Variants in AIG1 observed in about 807,000 individuals in gnomAD.
The protein encoded by AIG1 is androgen induced 1.
A neutral mutation model predicts 31.4 loss-of-function variants in AIG1; 23 were observed. That is an observed-to-expected ratio of 0.73 (90% CI 0.53 to 1.04). The LOEUF is 1.04. AIG1 is among the 50% of genes least tolerant of loss of function. The pLI, the probability that AIG1 is intolerant of heterozygous loss-of-function variation, is 0.00. For synonymous variants in AIG1, 100 were observed against 110.5 expected, an observed-to-expected ratio of 0.90 and a Z score of 0.60; for missense variants, 274 against 295.0, an observed-to-expected ratio of 0.93 and a Z score of 0.52.
At chr6:143,166,314 TC>T (rs1583389481) in intron 3 of AIG1, among the ~76,000 whole-genome samples, 5 of 152,272 alleles carry the variant, frequency 3.3e-5, no homozygotes, top group Admixed American at 2.0e-4. Context: ...AATTTAGCCA[TC>T]CACGGGGCCT....
intron 3 of AIG1, among the ~76,000 whole-genome samples, chr6:143,182,324 G>A (rs987944955): frequency 6.6e-6 from 1 of 152,128 alleles, no homozygotes; most frequent in African/African-American, 2.4e-5. Context: ...ATAAGCCACT[G>A]CACCTGGCCT....
intron 1 of AIG1, among the ~76,000 whole-genome samples, chr6:143,091,196 A>G (rs1779278083): frequency 6.6e-6 from 1 of 152,232 alleles, no homozygotes; most frequent in African/African-American, 2.4e-5. Context: ...CCACATCTGC[A>G]GTTAACTTTC....
In AIG1 at chr6:143,328,359, G is replaced by A. The variant is rs1330143157; in HGVS notation, c.516-4923G>A. 6.6e-6 allele frequency among the ~76,000 whole-genome samples: 1 copy of A among 152,062 alleles called. No homozygotes were observed. The highest frequency in any genetic ancestry group is 1.9e-4 in the East Asian group (1 of 5,204). ...AACTTTTGATTGTGCTTTAATGAAA[G>A]GCATCTGAACATATTCATCAGCTAT... is the stretch of plus-strand genomic sequence containing the variant. On this transcript the variant is annotated intron_variant, in intron 4 of 5. Coordinates refer to ENST00000357847, the MANE Select transcript of AIG1 (RefSeq NM_016108.4). This position sits in a 1 kb window ranked among gnomAD's most constrained non-coding sequence, Gnocchi z 4.0.
At chr6:143,309,121 T>G (rs1775054591) in intron 4 of AIG1, among the ~76,000 whole-genome samples, 1 of 151,764 alleles carries the variant, frequency 6.6e-6, no homozygotes, top group Non-Finnish European at 1.5e-5. Flanking sequence ...GGGAATGGAG[T>G]AAAATATTAA....
chr6:143,249,891 G>T (rs990422534), intron 3 of AIG1, among the ~76,000 whole-genome samples: 8 of 152,194 alleles, frequency 5.3e-5, no homozygotes, highest in African/African-American at 1.9e-4. Flanking sequence ...TCACCCTAGG[G>T]GCCACTACCT....
chr6:143,149,387 C>T (rs1383752501), intron 2 of AIG1, among the ~76,000 whole-genome samples: 1 of 151,472 alleles, frequency 6.6e-6, no homozygotes, highest in Non-Finnish European at 1.5e-5. Context: ...ATTAGCCAGG[C>T]GTGGTGGCGG....
At chr6:143,143,450 G>A (rs1436320006) in intron 2 of AIG1, among the ~76,000 whole-genome samples, 1 of 125,366 alleles carries the variant, frequency 8.0e-6, no homozygotes, top group Non-Finnish European at 1.6e-5. Context: ...GCAGTGAGCC[G>A]AGATCATGCC....
intron 1 of AIG1, among the ~76,000 whole-genome samples, chr6:143,120,671 A>G (rs1365533628): frequency 6.6e-6 from 1 of 152,236 alleles, no homozygotes; most frequent in Non-Finnish European, 1.5e-5. Context: ...AAAATTCAAG[A>G]TGAGGTTTGG....
At chr6:143,229,282 T>C (rs1054836364) in intron 3 of AIG1, among the ~76,000 whole-genome samples, 4 of 152,266 alleles carry the variant, frequency 2.6e-5, no homozygotes, top group African/African-American at 9.6e-5. Flanking sequence ...GACACTACCT[T>C]AGTGTGTAAT....
At position 143,284,242 on chromosome 6, in the gene AIG1, C is replaced by A; in HGVS notation, c.515+17C>A. The A allele has an allele frequency of 1.3e-6, 2 of 1,564,038 alleles. No individual in the cohort carries two copies. Among genetic ancestry groups the A allele is most frequent in the Non-Finnish European group, 8.8e-7 (1 of 1,137,840 alleles). On this transcript the variant is annotated intron_variant, in intron 4 of 5. Coordinates refer to ENST00000357847, the MANE Select transcript of AIG1 (RefSeq NM_016108.4). This position sits in a 1 kb window ranked among gnomAD's most constrained non-coding sequence, Gnocchi z 4.4. ...TATATTATGGTAAGGACCATGCCTGCTGGGCTTTCTTATTGTATTAGATTT... is the reference window on the plus strand; with the variant it reads ...TATATTATGGTAAGGACCATGCCTGATGGGCTTTCTTATTGTATTAGATTT...
rs372800373 is a variant in AIG1 at position 143,339,747 on chromosome 6, G to C, written c.*71G>C. 1.5e-5 allele frequency: 23 copies of C among 1,553,260 alleles called. No homozygotes were observed. Among genetic ancestry groups the C allele is most frequent in the South Asian group, 1.4e-4 (12 of 85,918 alleles). On this transcript the variant is annotated 3_prime_UTR_variant, in exon 6 of 6. Transcript: ENST00000357847. ...CTCCTTCCCCTCGGGCATTGGCAGT[G>C]GGGGAGAAAAGGCTTCAAAGGAACT...
At chr6:143,185,693 C>T (rs1472941929) in intron 3 of AIG1, among the ~76,000 whole-genome samples, 1 of 152,050 alleles carries the variant, frequency 6.6e-6, no homozygotes, top group Non-Finnish European at 1.5e-5. Context: ...TGGGCAGGCA[C>T]ATGGTCTTAG....
chr6:143,259,378 C>T (rs1795587376), intron 3 of AIG1, among the ~76,000 whole-genome samples: 1 of 152,094 alleles, frequency 6.6e-6, no homozygotes, highest in Non-Finnish European at 1.5e-5. Context: ...TATTTTCTTC[C>T]CCTTGTCTTC....
chr6:143,343,355 C>A (rs1039866174), downstream of AIG1: 2 of 584,646 alleles, frequency 3.4e-6, no homozygotes, highest in Non-Finnish European at 3.4e-6. Flanking sequence ...GGACTAATGC[C>A]CCCCCAAACA....
rs1352112806 is a variant in AIG1, at chr6:143,258,366, A to C, written c.400-25744A>C. ...ATATTATAATTCAAATCATCAGTAG[A>C]ATTGTTTGTACTGATTCAGCAATGC... On this transcript the variant is annotated intron_variant, in intron 3 of 5. Transcript: ENST00000357847. The surrounding 1 kb of genome is among the most constrained non-coding windows in gnomAD (Gnocchi z 4.7). Among the ~76,000 whole-genome samples the C allele has an allele frequency of 6.6e-6, 1 of 151,902 alleles. No individual in the cohort carries two copies. The highest frequency in any genetic ancestry group is 1.5e-5 in the Non-Finnish European group (1 of 67,968).
intron 1 of AIG1, among the ~76,000 whole-genome samples, chr6:143,077,004 G>A (rs752108729): frequency 1.3e-5 from 2 of 151,940 alleles, no homozygotes; most frequent in East Asian, 1.9e-4. Flanking sequence ...TTTATCTGTC[G>A]GCTGTTTGTA....
chr6:143,188,277 GT>G, intron 3 of AIG1: 2 of 986,192 alleles, frequency 2.0e-6, no homozygotes, highest in Non-Finnish European at 2.4e-6. Flanking sequence ...TGTTGCCGCT[GT>G]TTAAACATGT....
chr6:143,276,139 G>A (rs1796883152), intron 3 of AIG1, among the ~76,000 whole-genome samples: 1 of 152,168 alleles, frequency 6.6e-6, no homozygotes, highest in African/African-American at 2.4e-5. Flanking sequence ...AAAAGTAATA[G>A]CCCAGTAAAA....
At position 143,330,530 on chromosome 6, in the gene AIG1, G is replaced by T. The variant is rs552791961; in HGVS notation, c.516-2752G>T. ...GGGCTGGAGTGGCGGGGAACGATGGGGAGAATAACAGGAGATTAAATCAGA... is the reference window on the plus strand; with the variant it reads ...GGGCTGGAGTGGCGGGGAACGATGGTGAGAATAACAGGAGATTAAATCAGA... On this transcript the variant is annotated intron_variant, in intron 4 of 5. Transcript: ENST00000357847. This position sits in a 1 kb window ranked among gnomAD's most constrained non-coding sequence, Gnocchi z 4.4. 2.2e-4 allele frequency among the ~76,000 whole-genome samples: 34 copies of T among 152,216 alleles called. No homozygotes were observed. The highest frequency in any genetic ancestry group is 7.7e-4 in the African/African-American group (32 of 41,528).
Sources: allele counts gnomAD v4.1 joint callset (sites outside exome capture counted in the v4.1 genomes callset), GRCh38; gene constraint gnomAD v4.1.1; non-coding constraint Gnocchi (gnomAD v3.1); transcripts MANE v1.5; gene names NCBI Gene and HGNC (gene_info 2026-07-23, HGNC 2026-07-21).